CSF2RB: variants seen among roughly 807,000 people sequenced by gnomAD.
The protein encoded by CSF2RB is cytokine receptor common subunit beta.
In CSF2RB, 22 loss-of-function variants were observed where a neutral mutation model predicts 67.2. The observed-to-expected ratio is 0.33, with a 90% CI of 0.23 to 0.47. CSF2RB has a LOEUF of 0.47. Ranked by LOEUF, CSF2RB falls within the 20% of genes least tolerant of loss-of-function variation. The pLI is 1.00. For missense variants in CSF2RB, 1,113 were observed against 1,174.5 expected, an observed-to-expected ratio of 0.95 and a Z score of 0.76; for synonymous variants, 507 against 482.9, an observed-to-expected ratio of 1.05 and a Z score of -0.65.
At chr22:36,924,155 G>C (rs1003794953) in intron 3 of CSF2RB, among the ~76,000 whole-genome samples, 18 of 148,540 alleles carry the variant, frequency 1.2e-4, no homozygotes, top group Non-Finnish European at 2.2e-4. Context: ...CGTCTCTGTC[G>C]GACCTTCTCC....
chr22:36,926,109 T>C lies in CSF2RB; in HGVS notation c.323T>C (p.Val108Ala), dbSNP rs771388767. The C allele has an allele frequency of 1.2e-6, 2 of 1,614,084 alleles. No homozygotes were observed. Among genetic ancestry groups the C allele is most frequent in the Non-Finnish European group, 1.7e-6 (2 of 1,180,050 alleles). ...IPCQSFVVTD[V>A]DYFSFQPDRP... ...TGCCAGAGTTTTGTCGTCACTGACGTTGACTACTTCTCATTCCAACCAGAC... is the reference window on the plus strand; with the variant it reads ...TGCCAGAGTTTTGTCGTCACTGACGCTGACTACTTCTCATTCCAACCAGAC... Residue 108 changes from valine (V) to alanine (A), a missense_variant, in exon 4 of 14, where the codon GTT (valine) becomes GCT (alanine). Around this residue, in one of 2 missense-constraint regions of CSF2RB, gnomAD observed 559 missense variants for 656.5 expected, o/e 0.85. Transcript: ENST00000403662.
At chr22:36,917,221 T>C (rs1311265764) in intron 1 of CSF2RB, among the ~76,000 whole-genome samples, 2 of 152,236 alleles carry the variant, frequency 1.3e-5, no homozygotes, top group East Asian at 3.8e-4. Context: ...TTTGTTTGAA[T>C]CATAAATAGG....
In CSF2RB at chr22:36,938,813, G is replaced by T; in HGVS notation, c.*311G>T. 1 of 540,138 alleles carries T rather than the reference G, an allele frequency of 1.9e-6. No homozygotes were observed. The highest frequency in any genetic ancestry group is 3.3e-6 in the Non-Finnish European group (1 of 306,620). 33.5% of individuals were successfully genotyped at this position (540,138 alleles called of 1,614,324 possible). ...CATCTCCCCCTCATTTTTTTAATCA[G>T]GTTTCCTTGCTTTTGCCATTTTTCT... On this transcript the variant is annotated 3_prime_UTR_variant, in exon 14 of 14. Transcript: ENST00000403662.
intron 1 of CSF2RB, among the ~76,000 whole-genome samples, chr22:36,921,702 T>C (rs1940874568): frequency 1.3e-5 from 2 of 152,090 alleles, no homozygotes; most frequent in African/African-American, 2.4e-5. Context: ...AGTGAGGACA[T>C]GTGTGTGTAC....
chr22:36,936,691 C>T, intron 13 of CSF2RB, 39 bp downstream of exon 13: 1 of 1,542,816 alleles, frequency 6.5e-7, no homozygotes. Flanking sequence ...CTTTGGGGTT[C>T]ATACGGGGGG....
intron 1 of CSF2RB, among the ~76,000 whole-genome samples, chr22:36,920,455 C>T (rs1940830261): frequency 6.6e-6 from 1 of 152,222 alleles, no homozygotes. Context: ...CTGCAAGGAA[C>T]AGGCCCTCAC....
At chr22:36,924,376 C>A (rs1940959634) in intron 3 of CSF2RB, among the ~76,000 whole-genome samples, 1 of 151,956 alleles carries the variant, frequency 6.6e-6, no homozygotes, top group African/African-American at 2.4e-5. Context: ...CATCACGGCC[C>A]CCAAGTCCCC....
chr22:36,924,732 G>A (rs895056074), intron 3 of CSF2RB, among the ~76,000 whole-genome samples: 6 of 152,096 alleles, frequency 3.9e-5, no homozygotes, highest in Admixed American at 6.5e-5. Context: ...ACTTGACCAG[G>A]GGCAGCCCCT....
Position 36,922,094 on chromosome 22 carries a change from G to A in CSF2RB, c.-114G>A. Reference sequence around the variant, plus strand: ...CCCAAGAGCCTGTGAAATGGGTCTGGCCTGGCTCCCAGCTGGGCAGGAACA... The same window carrying A: ...CCCAAGAGCCTGTGAAATGGGTCTGACCTGGCTCCCAGCTGGGCAGGAACA... On this transcript the variant is annotated 5_prime_UTR_variant, in exon 2 of 14. Transcript: ENST00000403662. 2 of 966,650 alleles carry A rather than the reference G, an allele frequency of 2.1e-6. No homozygotes were observed. Among genetic ancestry groups the A allele is most frequent in the Admixed American group, 4.0e-5 (2 of 49,814 alleles). The allele number at this position is 966,650 out of a possible 1,614,324, so 59.9% of individuals were successfully genotyped here.
chr22:36,924,139 C>T (rs1940951217), intron 3 of CSF2RB, among the ~76,000 whole-genome samples: 1 of 146,464 alleles, frequency 6.8e-6, no homozygotes. Context: ...CTTCAGTTCT[C>T]CAGGGCGTCT....
rs928451000 is a variant in CSF2RB at position 36,939,512 on chromosome 22, G to T, written c.*1010G>T. 1 of 394,988 alleles carries T rather than the reference G, an allele frequency of 2.5e-6. No individual in the cohort carries two copies. The highest frequency in any genetic ancestry group is 4.6e-6 in the Non-Finnish European group (1 of 216,136). The allele number at this position is 394,988 out of a possible 1,614,324, so 24.5% of individuals were successfully genotyped here. Reference sequence around the variant, plus strand: ...GCCTGGGCCTGCACCAGGGATTATGGTTCTTTTAAATCTTTGCCTTTCAGA... The same window carrying T: ...GCCTGGGCCTGCACCAGGGATTATGTTTCTTTTAAATCTTTGCCTTTCAGA... On this transcript the variant is annotated 3_prime_UTR_variant, in exon 14 of 14. Transcript: ENST00000403662.
At chr22:36,919,679 G>A (rs922050596) in intron 1 of CSF2RB, among the ~76,000 whole-genome samples, 1 of 151,898 alleles carries the variant, frequency 6.6e-6, no homozygotes, top group Non-Finnish European at 1.5e-5. Context: ...CCAAAGTGCT[G>A]GGATTACAGG....
At chr22:36,915,822 A>G (rs1232244768) in intron 1 of CSF2RB, among the ~76,000 whole-genome samples, 1 of 152,192 alleles carries the variant, frequency 6.6e-6, no homozygotes, top group Non-Finnish European at 1.5e-5. Flanking sequence ...TTATGTATGG[A>G]AATTCTCAAT....
Position 36,933,872 on chromosome 22 carries a change from C to T in CSF2RB, c.1193C>T (p.Ala398Val). ...TETLQNAHSM[A>V]LPALEPSTRY... ...ACCCTCCAGAACGCCCACAGCATGG[C>T]CCTGCCAGCCCTGGAGCCCTCCACC... The change falls in exon 10 of 14, where the codon GCC (alanine) becomes GTC (valine). Residue 398 changes from alanine (A) to valine (V), a missense_variant. Physicochemically the swap from Ala to Val is moderately conservative, Grantham distance 64 (BLOSUM62 0). Transcript: ENST00000403662. 1 of 1,610,594 alleles carries T rather than the reference C, an allele frequency of 6.2e-7. No homozygotes were observed. Among genetic ancestry groups the T allele is most frequent in the South Asian group, 1.1e-5 (1 of 90,992 alleles).
At chr22:36,932,954 A>G (rs767501388) in intron 9 of CSF2RB, 50 bp downstream of exon 9, 15 of 1,608,732 alleles carry the variant, frequency 9.3e-6, no homozygotes, top group Non-Finnish European at 1.3e-5. Flanking sequence ...GGGCGGGAGA[A>G]GGGAAAGCAA....
At chr22:36,922,528 ACTC>A in intron 2 of CSF2RB, 1 of 586,444 alleles carries the variant, frequency 1.7e-6, no homozygotes, top group Non-Finnish European at 3.1e-6. Context: ...TCAGGGCGGC[ACTC>A]CCGGCCCCTA....
At position 36,940,320 on chromosome 22, in the gene CSF2RB, T is replaced by C. The variant is rs1302553572; in HGVS notation, c.*1818T>C. On this transcript the variant is annotated 3_prime_UTR_variant, in exon 14 of 14. Coordinates refer to ENST00000403662, the MANE Select transcript of CSF2RB (RefSeq NM_000395.3). ...TTTAGTACATTGTAAAGTAGAATCC[T>C]CTGTTCATAATGAACAAGATGAACC... The C allele has an allele frequency of 6.6e-6, 1 of 152,258 alleles. No individual in the cohort carries two copies. Among genetic ancestry groups the C allele is most frequent in the Non-Finnish European group, 1.5e-5 (1 of 68,050 alleles). The allele number at this position is 152,258 out of a possible 1,614,324, so 9.4% of individuals were successfully genotyped here. A position where few individuals can be genotyped will look rare whatever the true frequency, so the allele number is the denominator to read the frequency against.
chr22:36,936,680 C>A (rs1601593763), intron 13 of CSF2RB, 28 bp downstream of exon 13: 4 of 1,583,682 alleles, frequency 2.5e-6, no homozygotes, highest in African/African-American at 2.7e-5. Context: ...TCACTCCTGA[C>A]CTTTGGGGTT....
chr22:36,932,623 T>A (rs182139452), intron 8 of CSF2RB, 142 bp from the exon 9 acceptor site: 1 of 898,838 alleles, frequency 1.1e-6, no homozygotes, highest in East Asian at 2.6e-5. Context: ...TATAGTGAAG[T>A]GGGGATGAAA....
Sources: allele counts gnomAD v4.1 joint callset (sites outside exome capture counted in the v4.1 genomes callset), GRCh38; gene constraint gnomAD v4.1.1; regional missense constraint gnomAD v4.1.1; transcripts MANE v1.5; gene names NCBI Gene and HGNC (gene_info 2026-07-23, HGNC 2026-07-21).